POLD3: variants seen among roughly 807,000 people sequenced by gnomAD.
POLD3 encodes DNA polymerase delta 3, accessory subunit.
POLD3 carries 19 observed loss-of-function variants against 58.2 expected under a neutral mutation model. The ratio of observed to expected loss-of-function variants is 0.33; its 90% CI spans 0.23 to 0.48. The LOEUF is 0.48. Ranked by LOEUF, POLD3 falls within the 20% of genes least tolerant of loss-of-function variation. POLD3 has a pLI of 0.99. For missense variants in POLD3, 504 were observed against 545.5 expected (o/e 0.92, Z 0.76); for synonymous variants, 172 against 193.5 (o/e 0.89, Z 0.92).
chr11:74,617,135 T>TTTTAG (rs1417810812), intron 5 of POLD3, among the ~76,000 whole-genome samples: 1 of 142,564 alleles, frequency 7.0e-6, no homozygotes, highest in Non-Finnish European at 1.5e-5. Flanking sequence ...TTAAGTACAA[T>TTTTAG]CCTTTGAGAA....
chr11:74,668,684 G>A (rs572483371), intron 4 of POLD3: 199 of 885,080 alleles, frequency 2.2e-4, no homozygotes, highest in African/African-American at 2.2e-3. Flanking sequence ...AAAGAGGCCC[G>A]GAGTAGCTAG....
chr11:74,614,219 G>T (rs1413620336), intron 5 of POLD3, among the ~76,000 whole-genome samples: 1 of 152,182 alleles, frequency 6.6e-6, no homozygotes, highest in Non-Finnish European at 1.5e-5. Context: ...CAGATGGAGT[G>T]AAATTATCAA....
intron 5 of POLD3, among the ~76,000 whole-genome samples, chr11:74,617,114 G>A (rs2135146263): frequency 6.6e-6 from 1 of 151,604 alleles, no homozygotes; most frequent in Non-Finnish European, 1.5e-5. Flanking sequence ...AAAAAGCTGG[G>A]GAACTTTGCT....
chr11:74,623,897 T>G (rs1490884873), intron 7 of POLD3, among the ~76,000 whole-genome samples: 1 of 152,218 alleles, frequency 6.6e-6, no homozygotes, highest in Non-Finnish European at 1.5e-5. Context: ...CATATATGTT[T>G]AAGTTGGAGT....
At chr11:74,609,646 G>T (rs866520881) in intron 3 of POLD3, among the ~76,000 whole-genome samples, 10 of 151,704 alleles carry the variant, frequency 6.6e-5, no homozygotes, top group Middle Eastern at 3.2e-3. Context: ...CTCCCAAAGT[G>T]CTGAGATTAC....
chr11:74,668,223 A>G (rs945617465), intron 4 of POLD3, among the ~76,000 whole-genome samples: 1 of 152,216 alleles, frequency 6.6e-6, no homozygotes, highest in African/African-American at 2.4e-5. Context: ...TCATTGCTAT[A>G]TATGTACCCA....
Position 74,640,569 on chromosome 11 carries a change from G to A in POLD3, c.1204G>A (p.Glu402Lys). The A allele has an allele frequency of 6.6e-7, 1 of 1,524,386 alleles. No homozygotes were observed. Among genetic ancestry groups the A allele is most frequent in the Non-Finnish European group, 8.8e-7 (1 of 1,138,146 alleles). 94.4% of individuals were successfully genotyped at this position (1,524,386 alleles called of 1,614,324 possible). The change falls in exon 12 of 12, where the codon GAA (glutamate) becomes AAA (lysine). Residue 402 changes from glutamate to lysine, a missense_variant. Transcript: ENST00000263681. ...TTTTTTTCTCATCCTACCAGTGACT[G>A]AAAAAGTCTACGAGAGTGAATCCTG... ...YLDGEGCIVT[E>K]KVYESESCTD...
intron 10 of POLD3, among the ~76,000 whole-genome samples, 161 bp downstream of exon 10, chr11:74,634,856 C>T (rs78113706): frequency 0.011 from 1,735 of 152,266 alleles, 32 homozygotes; most frequent in African/African-American, 0.04. Context: ...AATGGGCGTT[C>T]CCTCCATTCT....
rs971333565 is a variant in POLD3, at chr11:74,641,503, C to T, written c.*737C>T. The T allele has an allele frequency of 8.1e-6, 8 of 985,274 alleles. No individual in the cohort carries two copies. The highest frequency in any genetic ancestry group is 7.0e-5 in the African/African-American group (4 of 57,216). The allele number at this position is 985,274 out of a possible 1,614,324, so 61.0% of individuals were successfully genotyped here. A position where few individuals can be genotyped will look rare whatever the true frequency, so the allele number is the denominator to read the frequency against. Reference sequence around the variant, plus strand: ...TGTTCAACTCCACCAGAAATTACCTCGAGTCAGCATTGACGATATTGGAGG... The same window carrying T: ...TGTTCAACTCCACCAGAAATTACCTTGAGTCAGCATTGACGATATTGGAGG... On this transcript the variant is annotated 3_prime_UTR_variant, in exon 12 of 12. Coordinates refer to ENST00000263681, the MANE Select transcript of POLD3 (RefSeq NM_006591.3).
chr11:74,612,140 A>G (rs2031934992), intron 4 of POLD3, among the ~76,000 whole-genome samples: 1 of 152,234 alleles, frequency 6.6e-6, no homozygotes, highest in Admixed American at 6.5e-5. Context: ...CGCCAGGGAC[A>G]CAAAAAATAT....
intron 4 of POLD3, among the ~76,000 whole-genome samples, chr11:74,657,260 C>T (rs2033148725): frequency 6.6e-6 from 1 of 151,546 alleles, no homozygotes; most frequent in Admixed American, 6.6e-5. Flanking sequence ...GATTGGAGAA[C>T]TTAGTCTGTT....
At chr11:74,632,365 G>A (rs1056157151) in intron 9 of POLD3, among the ~76,000 whole-genome samples, 2 of 152,184 alleles carry the variant, frequency 1.3e-5, no homozygotes, top group African/African-American at 4.8e-5. Context: ...TTGAAGAGCT[G>A]CAGATTGGCT....
intron 9 of POLD3, among the ~76,000 whole-genome samples, chr11:74,632,228 T>TA (rs2032615325): frequency 6.6e-6 from 1 of 152,186 alleles, no homozygotes; most frequent in Non-Finnish European, 1.5e-5. Flanking sequence ...GAATTCTAAT[T>TA]ACCTGTCTCT....
At chr11:74,608,065 G>T (rs1207298598) in intron 3 of POLD3, among the ~76,000 whole-genome samples, 1 of 152,132 alleles carries the variant, frequency 6.6e-6, no homozygotes, top group Admixed American at 6.5e-5. Flanking sequence ...TTTGTAATGT[G>T]AAGAACTGTC....
intron 3 of POLD3, among the ~76,000 whole-genome samples, chr11:74,609,632 C>A (rs183096783): frequency 5.3e-5 from 8 of 151,720 alleles, no homozygotes; most frequent in Admixed American, 2.6e-4. Context: ...CCATCTGCCT[C>A]GGCCTCCCAA....
intron 5 of POLD3, among the ~76,000 whole-genome samples, chr11:74,614,861 G>A (rs1375731741): frequency 6.6e-6 from 1 of 152,178 alleles, no homozygotes; most frequent in East Asian, 1.9e-4. Context: ...TATAACAGGA[G>A]GAGCAGGCTT....
chr11:74,619,349 C>T (rs7944208), intron 6 of POLD3, among the ~76,000 whole-genome samples: 60,220 of 151,932 alleles, frequency 0.4, 12,958 homozygotes, highest in African/African-American at 0.56. Flanking sequence ...TCCAGAAAAG[C>T]ATAATTATTG....
chr11:74,648,040 A>G (rs939798206), downstream of POLD3, among the ~76,000 whole-genome samples: 2 of 152,242 alleles, frequency 1.3e-5, no homozygotes, highest in East Asian at 1.9e-4. Flanking sequence ...AAGGTGAGAC[A>G]TGTCTCTGTT....
At chr11:74,647,071 A>G (rs1051102443), downstream of POLD3, among the ~76,000 whole-genome samples, 1 of 152,178 alleles carries the variant, frequency 6.6e-6, no homozygotes, top group Non-Finnish European at 1.5e-5. Flanking sequence ...GCAGTTGACA[A>G]TAGGGTTTGT....
Sources: gnomAD v4.1 joint callset for allele counts (sites outside exome capture counted in the v4.1 genomes callset) on GRCh38, gnomAD v4.1.1 for gene constraint, MANE v1.5 for transcripts, NCBI Gene and HGNC (gene_info 2026-07-23, HGNC 2026-07-21) for gene names.